Variants in EBF2 observed in about 807,000 individuals in gnomAD.
EBF2 encodes EBF transcription factor 2, also known as transcription factor COE2.
In EBF2, 21 loss-of-function variants were observed where a neutral mutation model predicts 72.8. That is an observed-to-expected ratio of 0.29 (90% CI 0.20 to 0.42). The LOEUF is 0.42. Among genes scored for constraint, EBF2 ranks in the 10% least tolerant of loss-of-function variants. The pLI is 1.00. For missense variants in EBF2, 637 were observed against 731.2 expected (o/e 0.87, Z 1.49); for synonymous variants, 299 against 274.2 (o/e 1.09, Z -0.89).
chr8:25,923,517 C>T (rs536953606), intron 6 of EBF2, among the ~76,000 whole-genome samples: 44 of 152,312 alleles, frequency 2.9e-4, no homozygotes, highest in Non-Finnish European at 5.9e-4. Context: ...TAAATGTATA[C>T]ACATATATGT....
intron 6 of EBF2, among the ~76,000 whole-genome samples, chr8:26,017,416 T>C (rs1805128888): frequency 6.6e-6 from 1 of 151,996 alleles, no homozygotes; most frequent in Non-Finnish European, 1.5e-5. Context: ...CTGTTTTTGA[T>C]AAAATAGACC....
intron 7 of EBF2, among the ~76,000 whole-genome samples, 172 bp from the exon 8 acceptor site, chr8:25,890,041 C>T (rs3812415): frequency 6.6e-6 from 1 of 152,172 alleles, no homozygotes; most frequent in Admixed American, 6.5e-5. Flanking sequence ...CAAAACTTTA[C>T]AGAAAAAGTG....
At chr8:25,896,432 G>A (rs1358414394) in intron 7 of EBF2, among the ~76,000 whole-genome samples, 1 of 152,100 alleles carries the variant, frequency 6.6e-6, no homozygotes, top group African/African-American at 2.4e-5. Context: ...TTATGAATGT[G>A]CATACACTCA....
chr8:25,922,222 C>T (rs533758885), intron 6 of EBF2, among the ~76,000 whole-genome samples: 1 of 151,046 alleles, frequency 6.6e-6, no homozygotes, highest in East Asian at 2.0e-4. Context: ...TTCCAAATAA[C>T]TTCCAAACTG....
At position 25,858,499 on chromosome 8, in the gene EBF2, T is replaced by C. The variant is rs1411689272; in HGVS notation, c.1348A>G (p.Ile450Val). The change falls in exon 14 of 16, where the codon ATC (isoleucine) becomes GTC (valine). Residue 450 changes from isoleucine (I) to valine (V), a missense_variant. Coordinates refer to ENST00000520164, the MANE Select transcript of EBF2 (RefSeq NM_022659.4). ...ESTQGNNQGYIRNTSSISPRG... is the reference protein window; with the variant it reads ...ESTQGNNQGYVRNTSSISPRG... ...GGAGAGATGCTGCTTGTGTTGCGGA[T>C]GTACCCTTGGCAACAAAGAAAAAGC... 3 of 1,613,442 alleles carry C rather than the reference T, an allele frequency of 1.9e-6. No individual in the cohort carries two copies. Among genetic ancestry groups the C allele is most frequent in the East Asian group, 2.2e-5 (1 of 44,876 alleles).
At chr8:25,852,561 A>ATTAT (rs756184875) in intron 14 of EBF2, among the ~76,000 whole-genome samples, 35 of 152,280 alleles carry the variant, frequency 2.3e-4, no homozygotes, top group South Asian at 1.2e-3. Flanking sequence ...AGTACAGATA[A>ATTAT]TTATTTTCTA....
intron 7 of EBF2, among the ~76,000 whole-genome samples, chr8:25,907,882 A>T (rs1453245881): frequency 6.6e-6 from 1 of 152,128 alleles, no homozygotes; most frequent in African/African-American, 2.4e-5. Flanking sequence ...AGCCTGATAC[A>T]CTTTGCCTCG....
intron 5 of EBF2, among the ~76,000 whole-genome samples, chr8:26,033,377 G>C (rs1805440925): frequency 6.6e-6 from 1 of 152,152 alleles, no homozygotes; most frequent in African/African-American, 2.4e-5. Context: ...CTACAGGTGT[G>C]TGCCACCGCG....
At chr8:25,905,243 T>A (rs552127564) in intron 7 of EBF2, among the ~76,000 whole-genome samples, 14 of 152,306 alleles carry the variant, frequency 9.2e-5, no homozygotes, top group African/African-American at 3.4e-4. Flanking sequence ...CCAGTGGAAA[T>A]GTAAAATGGT....
chr8:25,951,619 G>T (rs770743006), intron 6 of EBF2, among the ~76,000 whole-genome samples: 26 of 152,218 alleles, frequency 1.7e-4, no homozygotes, highest in Non-Finnish European at 3.8e-4. Context: ...GGAAGGGAGA[G>T]AATACACACA....
intron 7 of EBF2, among the ~76,000 whole-genome samples, chr8:25,903,653 C>T: frequency 6.6e-6 from 1 of 152,050 alleles, no homozygotes; most frequent in East Asian, 1.9e-4. Context: ...GCCGAGATCG[C>T]GCCACTGCAC....
chr8:25,962,928 G>A (rs537016466), intron 6 of EBF2, among the ~76,000 whole-genome samples: 11 of 152,290 alleles, frequency 7.2e-5, no homozygotes, highest in African/African-American at 2.4e-4. Flanking sequence ...AGATTGCAAG[G>A]TCCTCGCATT....
chr8:25,915,515 T>C (rs1803198889), intron 6 of EBF2, among the ~76,000 whole-genome samples: 1 of 142,252 alleles, frequency 7.0e-6, no homozygotes, highest in Non-Finnish European at 1.5e-5. Context: ...AAGGAAAAGA[T>C]AAATAAATCT....
At chr8:26,001,551 CT>C (rs368505102) in intron 6 of EBF2, among the ~76,000 whole-genome samples, 15 of 148,096 alleles carry the variant, frequency 1.0e-4, no homozygotes, top group South Asian at 6.5e-4. Context: ...AGTTTATTTG[CT>C]TTTTTTTTTG....
chr8:25,981,732 G>T (rs1164443090), intron 6 of EBF2, among the ~76,000 whole-genome samples: 1 of 150,854 alleles, frequency 6.6e-6, no homozygotes, highest in East Asian at 2.0e-4. Flanking sequence ...GGAGGCAGAG[G>T]TTGCAGTGAG....
At chr8:25,851,875 C>G (rs181852652) in intron 14 of EBF2, among the ~76,000 whole-genome samples, 12 of 152,156 alleles carry the variant, frequency 7.9e-5, no homozygotes, top group African/African-American at 2.9e-4. Flanking sequence ...GTTCTGATGT[C>G]CATGGACAAC....
At position 25,842,973 on chromosome 8, in the gene EBF2, C is replaced by T. The variant is rs563856537; in HGVS notation, c.*1636G>A. On this transcript the variant is annotated 3_prime_UTR_variant, in exon 16 of 16. Transcript: ENST00000520164. ...GGTGCTCATGAGTCAATAAGGAGAA[C>T]CCCAACGTGGAAACAAGTGACATCT... 10 of 152,250 alleles carry T rather than the reference C, an allele frequency of 6.6e-5. No homozygotes were observed. Among genetic ancestry groups the T allele is most frequent in the African/African-American group, 2.4e-4 (10 of 41,544 alleles). 9.4% of individuals were successfully genotyped at this position (152,250 alleles called of 1,614,324 possible).
intron 14 of EBF2, among the ~76,000 whole-genome samples, chr8:25,853,525 TATA>T (rs1802025517): frequency 6.6e-6 from 1 of 151,802 alleles, no homozygotes; most frequent in African/African-American, 2.4e-5. Context: ...CGGGGAAACA[TATA>T]ATAATCTTTC....
intron 7 of EBF2, among the ~76,000 whole-genome samples, chr8:25,895,488 A>G (rs1802851267): frequency 6.6e-6 from 1 of 152,270 alleles, no homozygotes; most frequent in Non-Finnish European, 1.5e-5. Context: ...ATACAGAAAT[A>G]GAAACATGAA....
Sources: gnomAD v4.1 joint callset for allele counts (sites outside exome capture counted in the v4.1 genomes callset) on GRCh38, gnomAD v4.1.1 for gene constraint, MANE v1.5 for transcripts, NCBI Gene and HGNC (gene_info 2026-07-23, HGNC 2026-07-21) for gene names.